The following NR2F1-AS1 variants were observed in gnomAD, a reference collection of about 807,000 sequenced individuals.
NR2F1-AS1 encodes the protein NR2F1 regulatory antisense RNA 1, also known as NR2F1 antisense RNA 1.
At chr5:93,474,627 A>G (rs906470818) in intron 4 of NR2F1-AS1, among the ~76,000 whole-genome samples, 22 of 152,166 alleles carry the variant, frequency 1.4e-4, no homozygotes, top group African/African-American at 5.3e-4. Flanking sequence ...TTGTCTTCAC[A>G]TGACAGAAGG....
At position 93,572,421 on chromosome 5, in the gene NR2F1-AS1, GGAGAA is replaced by G. The variant is rs1190665482; in HGVS notation, n.313+8041_313+8045del. 3.3e-5 allele frequency among the ~76,000 whole-genome samples: 5 copies of G among 152,236 alleles called. No homozygotes were observed. In the East Asian group the frequency reaches 5.8e-4, roughly 18 times the overall value. On this transcript the variant is annotated intron_variant and non_coding_transcript_variant, in intron 1 of 5. Coordinates refer to ENST00000660523, the Ensembl canonical transcript of NR2F1-AS1. ...GGGCTCATAGAGGGGCAGAGCCCAG[GGAGAA>G]GCGACATGCCCCCGGCTCCGTGCTC...
intron 4 of NR2F1-AS1, among the ~76,000 whole-genome samples, chr5:93,549,803 T>C (rs556405865): frequency 6.6e-6 from 1 of 152,186 alleles, no homozygotes; most frequent in Admixed American, 6.5e-5. Flanking sequence ...GATGGGTTCA[T>C]GTCCTTTGCA....
intron 4 of NR2F1-AS1, among the ~76,000 whole-genome samples, chr5:93,466,154 A>C (rs917614733): frequency 2.0e-5 from 3 of 152,050 alleles, no homozygotes; most frequent in Admixed American, 6.6e-5. Context: ...CAGATGGTTG[A>C]GGCCTTCGCA....
chr5:93,483,715 C>T (rs1478737669), intron 4 of NR2F1-AS1, among the ~76,000 whole-genome samples: 5 of 152,074 alleles, frequency 3.3e-5, no homozygotes, highest in African/African-American at 9.7e-5. Context: ...AAAGGTTAGA[C>T]GAATTGCTAA....
At chr5:93,563,877 C>T (rs182209567) in intron 1 of NR2F1-AS1, among the ~76,000 whole-genome samples, 5 of 151,898 alleles carry the variant, frequency 3.3e-5, no homozygotes, top group Non-Finnish European at 5.9e-5. Flanking sequence ...CTGAGGTGGG[C>T]GGATCACGAG....
intron 2 of NR2F1-AS1, among the ~76,000 whole-genome samples, chr5:93,563,005 C>G (rs543774288): frequency 1.3e-5 from 2 of 152,214 alleles, no homozygotes; most frequent in Admixed American, 1.3e-4. Flanking sequence ...CCCTTGTATC[C>G]ACGAATTGTA....
At chr5:93,504,431 A>C (rs1157780383) in intron 4 of NR2F1-AS1, among the ~76,000 whole-genome samples, 1 of 152,246 alleles carries the variant, frequency 6.6e-6, no homozygotes, top group Non-Finnish European at 1.5e-5. Flanking sequence ...AATCTTAAAG[A>C]AACAGGTAAC....
chr5:93,514,134 T>A (rs546575592), intron 4 of NR2F1-AS1, among the ~76,000 whole-genome samples: 1 of 152,222 alleles, frequency 6.6e-6, no homozygotes, highest in African/African-American at 2.4e-5. Context: ...AAAGTCAGCA[T>A]AACACTGCTG....
Position 93,562,195 on chromosome 5 carries a change from A to AAAAAGAAAAGAAAAG in NR2F1-AS1, n.413+1154_413+1168dup, listed in dbSNP as rs1554072352. ...AAACCCATCTCTACAAAAAAAAAAA[A>AAAAAGAAAAGAAAAG]AAAAGAAAAGAAAAGAAAAGAAAAG... is the stretch of plus-strand genomic sequence containing the variant. On this transcript the variant is annotated intron_variant and non_coding_transcript_variant, in intron 2 of 5. Transcript: ENST00000660523. Among the ~76,000 whole-genome samples, 567 of 136,426 alleles carry AAAAAGAAAAGAAAAG rather than the reference A, an allele frequency of 4.2e-3. 1 individual carries two copies. Among genetic ancestry groups the AAAAAGAAAAGAAAAG allele is most frequent in the Middle Eastern group, 0.013 (3 of 240 alleles). The allele number at this position is 136,426 out of a possible 152,430, so 89.5% of individuals were successfully genotyped here. A position where few individuals can be genotyped will look rare whatever the true frequency, so the allele number is the denominator to read the frequency against.
At chr5:93,485,953 G>T (rs1249272894) in intron 4 of NR2F1-AS1, among the ~76,000 whole-genome samples, 1 of 138,012 alleles carries the variant, frequency 7.2e-6, no homozygotes, top group African/African-American at 2.7e-5. Flanking sequence ...ATGAGTTCAT[G>T]TCCTTTGTAG....
At chr5:93,513,634 T>C (rs918511751) in intron 4 of NR2F1-AS1, among the ~76,000 whole-genome samples, 1 of 151,860 alleles carries the variant, frequency 6.6e-6, no homozygotes, top group African/African-American at 2.4e-5. Context: ...ACAGCAACAA[T>C]AGACACTGAG....
intron 4 of NR2F1-AS1, among the ~76,000 whole-genome samples, chr5:93,417,441 GC>G (rs1337728316): frequency 1.3e-5 from 2 of 152,114 alleles, no homozygotes; most frequent in African/African-American, 4.8e-5. Context: ...TTGTACTCCA[GC>G]AAAAAAGTCA....
intron 2 of NR2F1-AS1, among the ~76,000 whole-genome samples, chr5:93,555,395 A>G (rs1210026786): frequency 6.6e-6 from 1 of 152,198 alleles, no homozygotes; most frequent in African/African-American, 2.4e-5. Context: ...AGTGGAAATA[A>G]GGTAAAAAGT....
At chr5:93,413,769 T>C (rs1748911419) in intron 4 of NR2F1-AS1, among the ~76,000 whole-genome samples, 1 of 152,238 alleles carries the variant, frequency 6.6e-6, no homozygotes, top group Admixed American at 6.5e-5. Flanking sequence ...ATGTCTAAAC[T>C]ACATCAGAAT....
At chr5:93,483,527 CA>C (rs1467033470) in intron 4 of NR2F1-AS1, among the ~76,000 whole-genome samples, 2 of 151,994 alleles carry the variant, frequency 1.3e-5, no homozygotes, top group Non-Finnish European at 2.9e-5. Flanking sequence ...TTCCAAAAAC[CA>C]GAACGCCTCT....
At chr5:93,494,896 TGTGTAA>T (rs1250915456) in intron 4 of NR2F1-AS1, among the ~76,000 whole-genome samples, 2 of 152,138 alleles carry the variant, frequency 1.3e-5, no homozygotes, top group Non-Finnish European at 2.9e-5. Flanking sequence ...GGGGTGTGTG[TGTGTAA>T]GTGTGTCAAA....
chr5:93,504,887 C>A (rs924570944), intron 4 of NR2F1-AS1, among the ~76,000 whole-genome samples: 9 of 152,072 alleles, frequency 5.9e-5, no homozygotes, highest in Admixed American at 3.9e-4. Flanking sequence ...CCTGGTCCCA[C>A]CAAATCTCAT....
chr5:93,502,818 T>C (rs114359429), intron 4 of NR2F1-AS1, among the ~76,000 whole-genome samples: 3,983 of 152,238 alleles, frequency 0.026, 87 homozygotes, highest in South Asian at 0.054. Flanking sequence ...TAAGGAATTT[T>C]ATATAATGTT....
At chr5:93,449,706 C>A (rs1046440671) in intron 4 of NR2F1-AS1, among the ~76,000 whole-genome samples, 1 of 152,094 alleles carries the variant, frequency 6.6e-6, no homozygotes, top group Non-Finnish European at 1.5e-5. Flanking sequence ...ACAAAGATTT[C>A]TCCTGTTTTT....
Sources: gnomAD v4.1 joint callset for allele counts (sites outside exome capture counted in the v4.1 genomes callset) on GRCh38, gnomAD v4.1.1 for gene constraint, MANE v1.5 for transcripts, NCBI Gene and HGNC (gene_info 2026-07-23, HGNC 2026-07-21) for gene names.